Variants in TFAP2E observed in about 807,000 individuals in gnomAD.
TFAP2E encodes the protein transcription factor AP-2-epsilon.
A neutral mutation model predicts 37.9 loss-of-function variants in TFAP2E; 30 were observed. The ratio of observed to expected loss-of-function variants is 0.79; its 90% CI spans 0.59 to 1.07. TFAP2E has a LOEUF of 1.07. TFAP2E is among the 50% of genes least tolerant of loss of function. The pLI is 0.00. For missense variants in TFAP2E, 567 were observed against 637.9 expected (o/e 0.89, Z 1.20); for synonymous variants, 318 against 295.8 (o/e 1.08, Z -0.77).
Position 35,573,903 on chromosome 1 carries a change from TA to T in TFAP2E, c.28-22del. On this transcript the variant is annotated intron_variant, in intron 1 of 6. Coordinates refer to ENST00000373235, the MANE Select transcript of TFAP2E (RefSeq NM_178548.4). This position sits in a 1 kb window ranked among gnomAD's most constrained non-coding sequence, Gnocchi z 5.9. ...TCCTTTCAGCTGCCAGTGGGTCACCTAAGGCACCCCTCTCCTTCCCCAGGAG... is the reference window on the plus strand; with the variant it reads ...TCCTTTCAGCTGCCAGTGGGTCACCTAGGCACCCCTCTCCTTCCCCAGGAG... The T allele has an allele frequency of 6.9e-7, 1 of 1,445,900 alleles. No homozygotes were observed. The highest frequency in any genetic ancestry group is 9.0e-7 in the Non-Finnish European group (1 of 1,113,458). 89.6% of individuals were successfully genotyped at this position (1,445,900 alleles called of 1,614,324 possible).
At chr1:35,582,612 G>A (rs1415983373) in intron 3 of TFAP2E, among the ~76,000 whole-genome samples, 2 of 150,014 alleles carry the variant, frequency 1.3e-5, no homozygotes, top group Non-Finnish European at 3.0e-5. Flanking sequence ...CTAAGTGCTA[G>A]GGTTACAGGA....
intron 3 of TFAP2E, among the ~76,000 whole-genome samples, chr1:35,586,245 T>G (rs1056751551): frequency 6.6e-6 from 1 of 152,202 alleles, no homozygotes; most frequent in Non-Finnish European, 1.5e-5. Context: ...CTGGAGTCAG[T>G]GCTCAGAGTT....
intron 6 of TFAP2E, among the ~76,000 whole-genome samples, chr1:35,593,033 G>A (rs1241642590): frequency 6.6e-6 from 1 of 151,708 alleles, no homozygotes; most frequent in African/African-American, 2.4e-5. Flanking sequence ...AGAGGAGGGG[G>A]ATAGAGAAAG....
intron 3 of TFAP2E, among the ~76,000 whole-genome samples, chr1:35,582,995 C>T (rs1321566223): frequency 2.6e-5 from 4 of 151,934 alleles, no homozygotes; most frequent in African/African-American, 4.8e-5. Context: ...TTCCGCCTCC[C>T]GGGTTCAAGC....
intron 3 of TFAP2E, among the ~76,000 whole-genome samples, chr1:35,578,265 A>T (rs979955006): frequency 2.0e-5 from 3 of 152,116 alleles, no homozygotes; most frequent in African/African-American, 7.2e-5. Context: ...CAGGTTAAAA[A>T]GGTTACAAAC....
At chr1:35,594,370 C>A in intron 6 of TFAP2E, 24 bp from the exon 7 acceptor site, 1 of 1,606,408 alleles carries the variant, frequency 6.2e-7, no homozygotes, top group South Asian at 1.1e-5. Flanking sequence ...GTCCTCCAAC[C>A]TCTGACCCTC....
At position 35,594,832 on chromosome 1, in the gene TFAP2E, G is replaced by A. The variant is rs1649786434; in HGVS notation, c.*156G>A. Reference sequence around the variant, plus strand: ...CCCAGAGTTGGGGATCTGGCTTGGAGTAAGGGAGGGTGGCCTCTCTGTGGT... The same window carrying A: ...CCCAGAGTTGGGGATCTGGCTTGGAATAAGGGAGGGTGGCCTCTCTGTGGT... On this transcript the variant is annotated 3_prime_UTR_variant, in exon 7 of 7. Coordinates refer to ENST00000373235, the MANE Select transcript of TFAP2E (RefSeq NM_178548.4). 1.8e-6 allele frequency: 2 copies of A among 1,127,548 alleles called. No individual in the cohort carries two copies. Among genetic ancestry groups the A allele is most frequent in the Non-Finnish European group, 2.5e-6 (2 of 805,186 alleles). The allele number at this position is 1,127,548 out of a possible 1,614,324, so 69.8% of individuals were successfully genotyped here.
At chr1:35,575,581 A>C (rs1318561931) in intron 3 of TFAP2E, among the ~76,000 whole-genome samples, 2 of 152,192 alleles carry the variant, frequency 1.3e-5, no homozygotes, top group African/African-American at 2.4e-5. Context: ...GTCTGTGTCC[A>C]TGTGAGTTCA....
Position 35,577,360 on chromosome 1 carries a change from G to A in TFAP2E, c.562+2360G>A. ...GGTCACTGCGGGATTCGGCGTTGCC[G>A]CCAGCCCAGTGGGGAGTGAATTAGC... is the stretch of plus-strand genomic sequence containing the variant. On this transcript the variant is annotated intron_variant, in intron 3 of 6. Coordinates refer to ENST00000373235, the MANE Select transcript of TFAP2E (RefSeq NM_178548.4). The surrounding 1 kb of genome is among the most constrained non-coding windows in gnomAD (Gnocchi z 6.3). 2.2e-6 allele frequency: 1 copy of A among 456,778 alleles called. No individual in the cohort carries two copies. The highest frequency in any genetic ancestry group is 4.4e-6 in the Non-Finnish European group (1 of 226,976). The allele number at this position is 456,778 out of a possible 1,614,324, so 28.3% of individuals were successfully genotyped here.
chr1:35,574,967 ATGAGCCTCCTAGACCAGTCCG>A lies in TFAP2E; in HGVS notation c.533_553del (p.Ser178_Val184del). On this transcript the variant is annotated inframe_deletion, in exon 3 of 7. Coordinates refer to ENST00000373235, the MANE Select transcript of TFAP2E (RefSeq NM_178548.4). ...TTTGCAGGCAATGGACGAGCCGGGA[ATGAGCCTCCTAGACCAGTCCG>A]TGATCAAGAAAGGTAAGGAATGGTC... is the stretch of plus-strand genomic sequence containing the variant. The A allele has an allele frequency of 6.2e-7, 1 of 1,613,992 alleles. No individual in the cohort carries two copies. Among genetic ancestry groups the A allele is most frequent in the Non-Finnish European group, 8.5e-7 (1 of 1,179,990 alleles).
intron 6 of TFAP2E, 100 bp from the exon 7 acceptor site, chr1:35,594,294 A>G (rs1649766072): frequency 9.0e-6 from 13 of 1,442,104 alleles, no homozygotes; most frequent in Non-Finnish European, 1.2e-5. Flanking sequence ...GAGGGTCAGC[A>G]ATTGTGTAGC....
At chr1:35,589,887 T>C in intron 4 of TFAP2E, 43 bp from the exon 5 acceptor site, 1 of 1,603,850 alleles carries the variant, frequency 6.2e-7, no homozygotes. Flanking sequence ...GCGTTTCTCT[T>C]GTCTTCATAG....
rs186236988 is a variant in TFAP2E, at chr1:35,593,461, G to A, written c.1047-933G>A. 9.2e-5 allele frequency among the ~76,000 whole-genome samples: 14 copies of A among 152,240 alleles called. No homozygotes were observed. In the East Asian group the frequency reaches 2.1e-3, roughly 23 times the overall value. On this transcript the variant is annotated intron_variant, in intron 6 of 6. Coordinates refer to ENST00000373235, the MANE Select transcript of TFAP2E (RefSeq NM_178548.4). ...TCCTCACATCCTTGGGTTTGTTTCC[G>A]GCTTAGAACATCCAGTCCTCCCACC...
Position 35,574,427 on chromosome 1 carries a change from C to G in TFAP2E, c.510+18C>G. The G allele has an allele frequency of 1.4e-6, 2 of 1,391,132 alleles. No individual in the cohort carries two copies. Among genetic ancestry groups the G allele is most frequent in the South Asian group, 3.2e-5 (2 of 62,238 alleles). The allele number at this position is 1,391,132 out of a possible 1,614,324, so 86.2% of individuals were successfully genotyped here. ...ACCTGCAGGTGAGACCCGAGGGATCCGGGATGGGTCGGGACTGGCCGCGGT... is the reference window on the plus strand; with the variant it reads ...ACCTGCAGGTGAGACCCGAGGGATCGGGGATGGGTCGGGACTGGCCGCGGT... On this transcript the variant is annotated intron_variant, in intron 2 of 6. Transcript: ENST00000373235.
rs756138738 is a variant in TFAP2E at position 35,590,062 on chromosome 1, G to A, written c.904+14G>A. 6.2e-7 allele frequency: 1 copy of A among 1,613,052 alleles called. No homozygotes were observed. The highest frequency in any genetic ancestry group is 2.2e-5 in the East Asian group (1 of 44,862). On this transcript the variant is annotated intron_variant, in intron 5 of 6. Transcript: ENST00000373235. The surrounding 1 kb of genome is among the most constrained non-coding windows in gnomAD (Gnocchi z 6.2). ...CGCTAGTGGAAGGTGAGTGAGGCCT[G>A]AAGGTGGGCATGGGAGTGGATGTGA...
rs141667454 is a variant in TFAP2E, at chr1:35,579,505, G to A, written c.562+4505G>A. Among the ~76,000 whole-genome samples the A allele has an allele frequency of 8.9e-3, 1,357 of 151,708 alleles. 23 individuals carry two copies. The highest frequency in any genetic ancestry group is 0.062 in the East Asian group (318 of 5,118). On this transcript the variant is annotated intron_variant, in intron 3 of 6. Transcript: ENST00000373235. Reference sequence around the variant, plus strand: ...TGCAACCTCTGCCTCTCAGATTCTCGTACCTCAGCCTCCCAAGTAGCTGGG... The same window carrying A: ...TGCAACCTCTGCCTCTCAGATTCTCATACCTCAGCCTCCCAAGTAGCTGGG...
intron 3 of TFAP2E, among the ~76,000 whole-genome samples, chr1:35,581,824 G>A (rs1374073792): frequency 1.3e-5 from 2 of 151,800 alleles, no homozygotes; most frequent in Admixed American, 6.6e-5. Context: ...CACCCGCCTT[G>A]GCCTCCCAAA....
rs1341255852 is a variant in TFAP2E at position 35,588,637 on chromosome 1, C to A, written c.785+85C>A. The A allele has an allele frequency of 4.5e-6, 6 of 1,344,026 alleles. No individual in the cohort carries two copies. Among genetic ancestry groups the A allele is most frequent in the Non-Finnish European group, 5.0e-6 (5 of 998,566 alleles). 83.3% of individuals were successfully genotyped at this position (1,344,026 alleles called of 1,614,324 possible). A position where few individuals can be genotyped will look rare whatever the true frequency, so the allele number is the denominator to read the frequency against. ...TCAAGGCATCAGAGAGGAGGCCAGT[C>A]TCACCTAGGCCCTCTGCCTCAGTCT... On this transcript the variant is annotated intron_variant, in intron 4 of 6. Coordinates refer to ENST00000373235, the MANE Select transcript of TFAP2E (RefSeq NM_178548.4). This position sits in a 1 kb window ranked among gnomAD's most constrained non-coding sequence, Gnocchi z 5.1.
rs1007253932 is a variant in TFAP2E, at chr1:35,573,341, C to T, written c.-237C>T. ...AGGAGGAAGGGCGGGCGCTGGGCACCCGTTGACCGACTTTTCCAAGTGCGA... is the reference window on the plus strand; with the variant it reads ...AGGAGGAAGGGCGGGCGCTGGGCACTCGTTGACCGACTTTTCCAAGTGCGA... On this transcript the variant is annotated 5_prime_UTR_variant, in exon 1 of 7. Coordinates refer to ENST00000373235, the MANE Select transcript of TFAP2E (RefSeq NM_178548.4). The surrounding 1 kb of genome is among the most constrained non-coding windows in gnomAD (Gnocchi z 5.9). The T allele has an allele frequency of 2.2e-6, 1 of 459,134 alleles. No homozygotes were observed. The highest frequency in any genetic ancestry group is 2.1e-5 in the African/African-American group (1 of 48,602). The allele number at this position is 459,134 out of a possible 1,614,324, so 28.4% of individuals were successfully genotyped here.
Sources: allele counts gnomAD v4.1 joint callset (sites outside exome capture counted in the v4.1 genomes callset), GRCh38; gene constraint gnomAD v4.1.1; non-coding constraint Gnocchi (gnomAD v3.1); transcripts MANE v1.5; gene names NCBI Gene and HGNC (gene_info 2026-07-23, HGNC 2026-07-21).